RTTN: variants seen among roughly 807,000 people sequenced by gnomAD.
RTTN encodes rotatin.
A neutral mutation model predicts 269.2 loss-of-function variants in RTTN; 182 were observed. That is an observed-to-expected ratio of 0.68 (90% confidence interval 0.60 to 0.76). The LOEUF is 0.76. RTTN is among the 30% of genes least tolerant of loss of function. The pLI, the probability that RTTN is intolerant of heterozygous loss-of-function variation, is 0.00. For synonymous variants in RTTN, 1,006 were observed against 963.5 expected (o/e 1.04, Z -0.82); for missense variants, 2,545 against 2,608.6 (o/e 0.98, Z 0.53).
intron 14 of RTTN, among the ~76,000 whole-genome samples, chr18:70,155,997 G>T (rs1341698859): frequency 2.0e-5 from 3 of 152,000 alleles, no homozygotes; most frequent in African/African-American, 7.3e-5. Context: ...GTCGCCTCAG[G>T]ACCCTGTGAT....
At chr18:70,120,535 T>A (rs2059709175) in intron 26 of RTTN, among the ~76,000 whole-genome samples, 1 of 152,224 alleles carries the variant, frequency 6.6e-6, no homozygotes, top group Non-Finnish European at 1.5e-5. Flanking sequence ...AGATCCACTA[T>A]GTCCTATATC....
chr18:70,190,791 C>T (rs1016267431), intron 8 of RTTN, 72 bp from the exon 9 acceptor site: 11 of 1,036,092 alleles, frequency 1.1e-5, no homozygotes, highest in African/African-American at 1.6e-5. Flanking sequence ...ATATCTGCTG[C>T]CTCGCATATT....
At chr18:70,028,247 T>C (rs902247491) in intron 43 of RTTN, among the ~76,000 whole-genome samples, 8 of 151,830 alleles carry the variant, frequency 5.3e-5, no homozygotes, top group Admixed American at 3.3e-4. Flanking sequence ...AGAAGGGCCA[T>C]GTAAATGGTC....
chr18:70,065,682 G>T, intron 35 of RTTN, 147 bp downstream of exon 35: 1 of 447,432 alleles, frequency 2.2e-6, no homozygotes, highest in Non-Finnish European at 4.0e-6. Flanking sequence ...ATTAATTTCT[G>T]ATATATTGGT....
intron 34 of RTTN, among the ~76,000 whole-genome samples, chr18:70,070,811 G>T (rs923591813): frequency 6.6e-6 from 1 of 152,176 alleles, no homozygotes; most frequent in African/African-American, 2.4e-5. Flanking sequence ...TAGTTAGAAA[G>T]TCTAAGTATG....
rs201561378 is a variant in RTTN, at chr18:70,004,174, C to G, written c.6658G>C (p.Val2220Leu). The G allele has an allele frequency of 2.8e-4, 449 of 1,613,394 alleles. No individual in the cohort carries two copies. The highest frequency in any genetic ancestry group is 3.6e-4 in the Non-Finnish European group (427 of 1,179,496). The change falls in exon 49 of 49, where the codon GTG becomes CTG. Residue 2220 changes from valine (V) to leucine (L), a missense_variant. Val to Leu is a conservative substitution (Grantham distance 32). Transcript: ENST00000640769. ...ACTCAGGAAGAATTAAGGAGCTGCA[C>G]GAGGTTTTCAAGACATTTCAAATAA... ...AYYLKCLENL[V>L]QLLNSS
At chr18:70,004,822 G>C (rs2056131623) in intron 48 of RTTN, among the ~76,000 whole-genome samples, 2 of 151,952 alleles carry the variant, frequency 1.3e-5, no homozygotes, top group Admixed American at 6.6e-5. Context: ...TGGATATAAG[G>C]GTAACAGGAT....
At chr18:70,085,608 A>C (rs1005688303) in intron 32 of RTTN, among the ~76,000 whole-genome samples, 17 of 152,238 alleles carry the variant, frequency 1.1e-4, no homozygotes, top group African/African-American at 4.1e-4. Context: ...GTAAAAGGAC[A>C]GAAACAGCAC....
intron 32 of RTTN, among the ~76,000 whole-genome samples, chr18:70,081,153 C>T (rs748095182): frequency 1.3e-5 from 2 of 152,010 alleles, no homozygotes; most frequent in African/African-American, 2.4e-5. Context: ...AATGACACAA[C>T]GGACTTTGGG....
chr18:70,061,292 AC>A, intron 35 of RTTN: 1 of 454,564 alleles, frequency 2.2e-6, no homozygotes, highest in Non-Finnish European at 4.4e-6. Context: ...ACCTCCATTA[AC>A]CTTTGAGCAT....
chr18:70,180,530 C>T (rs1160070187), intron 10 of RTTN, among the ~76,000 whole-genome samples: 1 of 146,314 alleles, frequency 6.8e-6, no homozygotes, highest in Non-Finnish European at 1.5e-5. Context: ...TGCAGTGAGT[C>T]AAGATCACGC....
intron 7 of RTTN, chr18:70,194,328 T>C (rs900376893): frequency 2.0e-5 from 3 of 152,188 alleles, no homozygotes; most frequent in Non-Finnish European, 2.9e-5. Context: ...GTGGAAAAAC[T>C]GGAAGCTTTA....
chr18:70,110,539 G>T (rs1159583828), intron 27 of RTTN, among the ~76,000 whole-genome samples: 13 of 152,172 alleles, frequency 8.5e-5, no homozygotes, highest in African/African-American at 3.1e-4. Flanking sequence ...TACTGCGCTT[G>T]TCCCACGGTT....
intron 10 of RTTN, among the ~76,000 whole-genome samples, chr18:70,180,102 T>C (rs570129136): frequency 6.6e-6 from 1 of 151,890 alleles, no homozygotes; most frequent in Admixed American, 6.5e-5. Flanking sequence ...TCATGGTTCA[T>C]TCTCACGCTC....
chr18:70,011,992 G>A (rs2056391572), intron 46 of RTTN, among the ~76,000 whole-genome samples: 2 of 151,562 alleles, frequency 1.3e-5, no homozygotes, highest in Middle Eastern at 3.4e-3. Flanking sequence ...TGGTTAGAGG[G>A]CAGCGTCTGC....
rs372585603 is a variant in RTTN at position 70,190,631 on chromosome 18, T to C, written c.1096A>G (p.Thr366Ala). ...AATTGTAGTTCCAATGTGTCTTCAG[T>C]TTCCAGCTCTGGCAGATCTATGTGT... The part of the protein sequence containing the change: ...MGHIDLPELE[T>A]EDTLELQFQQ... Residue 366 changes from threonine (T) to alanine (A), a missense_variant, in exon 9 of 49, where the codon ACT becomes GCT. Physicochemically the swap from Thr to Ala is moderately conservative, Grantham distance 58. Coordinates refer to ENST00000640769, the MANE Select transcript of RTTN (RefSeq NM_173630.4). The C allele has an allele frequency of 2.5e-6, 4 of 1,613,596 alleles. No individual in the cohort carries two copies. The highest frequency in any genetic ancestry group is 3.4e-6 in the Non-Finnish European group (4 of 1,179,626).
chr18:70,126,366 G>A (rs551546529), intron 25 of RTTN, among the ~76,000 whole-genome samples: 3 of 152,154 alleles, frequency 2.0e-5, no homozygotes, highest in Admixed American at 1.3e-4. Flanking sequence ...TTCAACTGGC[G>A]AGACTGTTTA....
At position 70,120,485 on chromosome 18, in the gene RTTN, G is replaced by A. The variant is rs75274453; in HGVS notation, c.3528+1071C>T. Among the ~76,000 whole-genome samples, 106 of 151,930 alleles carry A rather than the reference G, an allele frequency of 7.0e-4. 1 individual carries two copies. In the East Asian group the frequency reaches 0.017, roughly 24 times the overall value. ...TTACATAAAATTATCTCTAAGTTTC[G>A]CAAATGTGTTAATATATAATGAAAC... On this transcript the variant is annotated intron_variant, in intron 26 of 48. Coordinates refer to ENST00000640769, the MANE Select transcript of RTTN (RefSeq NM_173630.4).
intron 43 of RTTN, among the ~76,000 whole-genome samples, chr18:70,025,229 CTT>C (rs1268582552): frequency 2.0e-5 from 3 of 152,184 alleles, no homozygotes; most frequent in Non-Finnish European, 4.4e-5. Context: ...TCTGAGTCCT[CTT>C]TGCCCACCCT....
Sources: gnomAD v4.1 joint callset for allele counts (sites outside exome capture counted in the v4.1 genomes callset) on GRCh38, gnomAD v4.1.1 for gene constraint, MANE v1.5 for transcripts, NCBI Gene and HGNC (gene_info 2026-07-23, HGNC 2026-07-21) for gene names.